Variants in LAMB1 observed in about 807,000 individuals in gnomAD.
The protein encoded by LAMB1 is laminin subunit beta 1.
In LAMB1, 121 loss-of-function variants were observed where a neutral mutation model predicts 222.3. That is an observed-to-expected ratio of 0.54 (90% CI 0.47 to 0.63). The LOEUF (loss-of-function observed/expected upper bound fraction) is 0.63, where lower values mean the gene tolerates loss of function less well. Ranked by LOEUF, LAMB1 falls within the 30% of genes least tolerant of loss-of-function variation. The pLI is 0.00. For synonymous variants in LAMB1, 794 were observed against 807.2 expected (o/e 0.98, Z 0.28); for missense variants, 2,172 against 2,240.8 (o/e 0.97, Z 0.62).
At chr7:107,963,567 T>A (rs1043580426) in intron 14 of LAMB1, among the ~76,000 whole-genome samples, 1 of 152,238 alleles carries the variant, frequency 6.6e-6, no homozygotes, top group African/African-American at 2.4e-5. Context: ...TATTTTTTAA[T>A]ACCTGTGGTT....
intron 32 of LAMB1, 65 bp from the exon 33 acceptor site, chr7:107,924,454 A>G: frequency 7.8e-7 from 1 of 1,280,322 alleles, no homozygotes; most frequent in South Asian, 1.5e-5. Flanking sequence ...ATTTAAGAGC[A>G]ATAGTGTAAT....
At chr7:107,967,035 G>A (rs1206853435) in intron 13 of LAMB1, among the ~76,000 whole-genome samples, 1 of 152,160 alleles carries the variant, frequency 6.6e-6, no homozygotes, top group African/African-American at 2.4e-5. Context: ...CACCCAGCAG[G>A]TGGCTGGGCT....
At chr7:107,978,293 TG>T (rs1388558611) in intron 8 of LAMB1, 126 bp from the exon 9 acceptor site, 2 of 1,076,946 alleles carry the variant, frequency 1.9e-6, no homozygotes, top group African/African-American at 1.6e-5. Context: ...AGAAAAGGGT[TG>T]TTTGGTTGTT....
intron 18 of LAMB1, among the ~76,000 whole-genome samples, chr7:107,960,058 T>G (rs1420494696): frequency 6.6e-6 from 1 of 152,148 alleles, no homozygotes; most frequent in Non-Finnish European, 1.5e-5. Flanking sequence ...CCTTCAAAGC[T>G]CAAATATCAC....
chr7:107,931,610 A>T (rs1326182810), intron 28 of LAMB1, 110 bp from the exon 29 acceptor site: 42 of 1,049,618 alleles, frequency 4.0e-5, no homozygotes, highest in African/African-American at 4.8e-5. Context: ...ACTTGGAATC[A>T]TATGTCTGGG....
intron 25 of LAMB1, among the ~76,000 whole-genome samples, chr7:107,938,546 A>G (rs1210067366): frequency 6.6e-6 from 1 of 152,202 alleles, no homozygotes; most frequent in Non-Finnish European, 1.5e-5. Flanking sequence ...GATTATTACA[A>G]TCTGTCTAGT....
chr7:107,931,386 G>C lies in LAMB1; in HGVS notation c.4507C>G (p.Leu1503Val), dbSNP rs143448082. 4 of 1,613,622 alleles carry C rather than the reference G, an allele frequency of 2.5e-6. No individual in the cohort carries two copies. In the East Asian group the frequency reaches 8.9e-5, roughly 36 times the overall value. ...AAAAAGTTTCTGATTTGCTTGATTA[G>C]ATTTCTCAGCTCCTCATTGCTCTTG... ...MDKSNEELRN[L>V]IKQIRNFLTQ... is the part of the protein sequence containing the mutation. Residue 1503 changes from leucine (L) to valine (V), a missense_variant, in exon 29 of 34, where the codon CTA (leucine) becomes GTA (valine). Transcript: ENST00000222399.
At chr7:107,973,453 T>C (rs2033789967) in intron 12 of LAMB1, among the ~76,000 whole-genome samples, 1 of 152,102 alleles carries the variant, frequency 6.6e-6, no homozygotes, top group Non-Finnish European at 1.5e-5. Flanking sequence ...CAGTCTGTCA[T>C]CAATCCCATA....
chr7:107,953,937 G>A (rs2033317911), intron 21 of LAMB1, among the ~76,000 whole-genome samples, 183 bp from the exon 22 acceptor site: 1 of 152,126 alleles, frequency 6.6e-6, no homozygotes, highest in Non-Finnish European at 1.5e-5. Context: ...GTGAGAGGAA[G>A]GCAGTATTAC....
At chr7:108,000,829 C>A (rs936210946) in intron 3 of LAMB1, among the ~76,000 whole-genome samples, 1 of 152,220 alleles carries the variant, frequency 6.6e-6, no homozygotes, top group Non-Finnish European at 1.5e-5. Flanking sequence ...GGCATGGAGC[C>A]ATTTTGCTCC....
chr7:107,964,472 T>G lies in LAMB1; in HGVS notation c.1698+80A>C, dbSNP rs13226237. The stretch of plus-strand genomic sequence containing the variant: ...CAAAGCTATAAAAATGCTTCTGAAA[T>G]GGGGTCTTTACAAAGCATGTATGTT... On this transcript the variant is annotated intron_variant, in intron 14 of 33. Coordinates refer to ENST00000222399, the MANE Select transcript of LAMB1 (RefSeq NM_002291.3). 8.5e-6 allele frequency: 13 copies of G among 1,525,964 alleles called. 1 individual carries two copies. In the Middle Eastern group the frequency reaches 1.0e-3, roughly 122 times the overall value. 94.5% of individuals were successfully genotyped at this position (1,525,964 alleles called of 1,614,324 possible).
Position 107,959,331 on chromosome 7 carries a change from T to C in LAMB1, c.2608A>G (p.Asn870Asp). The change falls in exon 20 of 34, where the codon AAT becomes GAT. Residue 870 changes from asparagine (N) to aspartate (D), a missense_variant. Asn to Asp is a conservative substitution (Grantham distance 23). Transcript: ENST00000222399. ...GFPSCQPCQC[N>D]GHADDCDPVT... ...GGGTCGCAGTCATCGGCGTGGCCATTGCACTGGCAGGGCTGGCAACTTGGA... is the reference window on the plus strand; with the variant it reads ...GGGTCGCAGTCATCGGCGTGGCCATCGCACTGGCAGGGCTGGCAACTTGGA... 3 of 1,614,254 alleles carry C rather than the reference T, an allele frequency of 1.9e-6. No homozygotes were observed. The highest frequency in any genetic ancestry group is 2.5e-6 in the Non-Finnish European group (3 of 1,180,046).
rs1332297005 is a variant in LAMB1 at position 107,931,381 on chromosome 7, G to T, written c.4512C>A (p.Ile1504=). The T allele has an allele frequency of 6.2e-7, 1 of 1,613,380 alleles. No individual in the cohort carries two copies. The highest frequency in any genetic ancestry group is 2.2e-5 in the East Asian group (1 of 44,826). Residue 1504 remains isoleucine (I), a synonymous_variant, in exon 29 of 34, where the codon ATC becomes ATA. Coordinates refer to ENST00000222399, the MANE Select transcript of LAMB1 (RefSeq NM_002291.3). Reference sequence around the variant, plus strand: ...GGGTCAAAAAGTTTCTGATTTGCTTGATTAGATTTCTCAGCTCCTCATTGC... The same window carrying T: ...GGGTCAAAAAGTTTCTGATTTGCTTTATTAGATTTCTCAGCTCCTCATTGC... ...DKSNEELRNL[I]KQIRNFLTQD...
At chr7:107,997,436 C>T (rs544230315) in intron 4 of LAMB1, among the ~76,000 whole-genome samples, 1 of 147,248 alleles carries the variant, frequency 6.8e-6, no homozygotes, top group African/African-American at 2.4e-5. Flanking sequence ...AATAAACAAA[C>T]AAACAAACAA....
chr7:107,947,487 G>A (rs995144307), intron 24 of LAMB1, among the ~76,000 whole-genome samples: 1 of 152,178 alleles, frequency 6.6e-6, no homozygotes, highest in African/African-American at 2.4e-5. Flanking sequence ...CATCCCTTCA[G>A]AAAGCCCCTG....
chr7:107,986,193 T>C lies in LAMB1; in HGVS notation c.594A>G (p.Glu198=), dbSNP rs759018931. 6.2e-7 allele frequency: 1 copy of C among 1,614,008 alleles called. No individual in the cohort carries two copies. The highest frequency in any genetic ancestry group is 1.1e-5 in the South Asian group (1 of 91,042). The change falls in exon 6 of 34, where the codon GAA becomes GAG. Residue 198 remains glutamate (E), a synonymous_variant. Coordinates refer to ENST00000222399, the MANE Select transcript of LAMB1 (RefSeq NM_002291.3). ...AACAAACCTCTCCTTCAGTTGAGGG[T>C]TCAATGTCAGAATATCGAGAATCAC... is the stretch of plus-strand genomic sequence containing the variant. ...IICDSRYSDI[E]PSTEGEVIFR...
At chr7:107,966,689 C>T (rs1224541041) in intron 13 of LAMB1, among the ~76,000 whole-genome samples, 5 of 152,268 alleles carry the variant, frequency 3.3e-5, no homozygotes, top group Admixed American at 6.5e-5. Context: ...TTTACTGAGA[C>T]AACAAATATC....
intron 16 of LAMB1, 75 bp from the exon 17 acceptor site, chr7:107,961,404 A>G (rs925921789): frequency 6.3e-7 from 1 of 1,593,918 alleles, no homozygotes; most frequent in Non-Finnish European, 8.5e-7. Flanking sequence ...ATTAAAAACA[A>G]AGCTCTGCAT....
At chr7:107,981,470 AGGTGT>A (rs2033972929) in intron 7 of LAMB1, among the ~76,000 whole-genome samples, 1 of 151,060 alleles carries the variant, frequency 6.6e-6, no homozygotes, top group Non-Finnish European at 1.5e-5. Context: ...AAAATTAGCC[AGGTGT>A]GGTGGCAGGC....
Sources: allele counts gnomAD v4.1 joint callset (sites outside exome capture counted in the v4.1 genomes callset), GRCh38; gene constraint gnomAD v4.1.1; transcripts MANE v1.5; gene names NCBI Gene and HGNC (gene_info 2026-07-23, HGNC 2026-07-21).